PARP6: variants seen among roughly 807,000 people sequenced by gnomAD.
The protein encoded by PARP6 is protein mono-ADP-ribosyltransferase PARP6.
PARP6 carries 27 observed loss-of-function variants against 92.0 expected under a neutral mutation model. The ratio of observed to expected loss-of-function variants is 0.29; its 90% CI spans 0.22 to 0.40. PARP6 has a LOEUF of 0.40. PARP6 is among the 10% of genes least tolerant of loss of function. The pLI is 1.00. For synonymous variants in PARP6, 272 were observed against 281.2 expected (o/e 0.97, Z 0.33); for missense variants, 501 against 784.5 (o/e 0.64, Z 4.32).
intron 2 of PARP6, among the ~76,000 whole-genome samples, chr15:72,268,528 G>A (rs7167257): frequency 0.037 from 5,670 of 152,302 alleles, 187 homozygotes; most frequent in East Asian, 0.16. Flanking sequence ...GTGAAACCCC[G>A]TCTCTACCAA....
At chr15:72,260,197 T>C (rs1019638282) in intron 10 of PARP6, among the ~76,000 whole-genome samples, 1 of 152,162 alleles carries the variant, frequency 6.6e-6, no homozygotes, top group African/African-American at 2.4e-5. Context: ...CATGTGCCTA[T>C]AGTCCCAGCT....
chr15:72,257,234 G>C (rs2085260620), intron 13 of PARP6, 114 bp downstream of exon 13: 1 of 751,694 alleles, frequency 1.3e-6, no homozygotes. Context: ...CAATACTACA[G>C]TGGTTATCTT....
intron 9 of PARP6, among the ~76,000 whole-genome samples, chr15:72,261,199 G>C (rs978513097): frequency 6.6e-6 from 1 of 152,150 alleles, no homozygotes; most frequent in Non-Finnish European, 1.5e-5. Context: ...TCAAAGAATG[G>C]AGCAATATTT....
At chr15:72,253,317 A>G (rs2084626806) in intron 16 of PARP6, 120 bp downstream of exon 16, 2 of 608,894 alleles carry the variant, frequency 3.3e-6, no homozygotes, top group Non-Finnish European at 5.6e-6. Context: ...AAAAGCACCC[A>G]TTACTGCCTA....
chr15:72,250,637 T>C (rs144340898), intron 18 of PARP6, among the ~76,000 whole-genome samples: 10 of 152,352 alleles, frequency 6.6e-5, no homozygotes, highest in African/African-American at 2.2e-4. Flanking sequence ...ATGTCATTTT[T>C]CCTCAACTAC....
At chr15:72,247,981 G>A (rs2083838450) in intron 20 of PARP6, among the ~76,000 whole-genome samples, 1 of 152,012 alleles carries the variant, frequency 6.6e-6, no homozygotes. Context: ...ATGTTGGCCA[G>A]GCTGGTCTTG....
At position 72,242,727 on chromosome 15, in the gene PARP6, T is replaced by C. The variant is rs1369653084; in HGVS notation, c.1562-28A>G. The C allele has an allele frequency of 6.6e-7, 1 of 1,521,942 alleles. No homozygotes were observed. The highest frequency in any genetic ancestry group is 1.9e-5 in the Admixed American group (1 of 53,678). 94.3% of individuals were successfully genotyped at this position (1,521,942 alleles called of 1,614,324 possible). On this transcript the variant is annotated intron_variant, in intron 20 of 23. Coordinates refer to ENST00000569795, the MANE Select transcript of PARP6 (RefSeq NM_001323532.2). This position sits in a 1 kb window ranked among gnomAD's most constrained non-coding sequence, Gnocchi z 4.3. ...GTCACAGAACAATACACCCACTTCA[T>C]TTATCAAAAATTTACGAAAGTGCCT...
chr15:72,262,531 C>G (rs898700195), intron 8 of PARP6, among the ~76,000 whole-genome samples: 5 of 152,132 alleles, frequency 3.3e-5, no homozygotes, highest in African/African-American at 7.2e-5. Flanking sequence ...CTTTCTGCAC[C>G]TTAGTCTAGT....
intron 17 of PARP6, 80 bp downstream of exon 17, chr15:72,251,127 C>A (rs1307514397): frequency 1.9e-6 from 2 of 1,049,408 alleles, no homozygotes; most frequent in African/African-American, 1.6e-5. Flanking sequence ...GATCTAGGAC[C>A]AATATGGTTA....
chr15:72,251,451 G>A (rs971971664), intron 16 of PARP6, 196 bp from the exon 17 acceptor site: 34 of 458,676 alleles, frequency 7.4e-5, no homozygotes, highest in Non-Finnish European at 1.1e-4. Flanking sequence ...AGGTAAAAAG[G>A]AAGGTAGTGA....
intron 8 of PARP6, among the ~76,000 whole-genome samples, chr15:72,262,657 C>T (rs979521271): frequency 4.6e-5 from 7 of 152,176 alleles, no homozygotes; most frequent in Non-Finnish European, 1.0e-4. Flanking sequence ...TTCCTACCTT[C>T]ACCACTATAA....
At chr15:72,267,321 C>A in intron 3 of PARP6, 154 bp downstream of exon 3, 4 of 767,208 alleles carry the variant, frequency 5.2e-6, no homozygotes, top group South Asian at 1.6e-5. Context: ...CCAAGTAATA[C>A]TGTTTCTGTG....
In PARP6 at chr15:72,266,434, CTTT is replaced by C. The variant is rs948303489; in HGVS notation, c.81+308_81+310del. ...ATTAAGCAAACGCTGGCAGAGTAAT[CTTT>C]TAAGATGTGACCCTAATGAATGAAA... On this transcript the variant is annotated intron_variant, in intron 4 of 23. Transcript: ENST00000569795. Among the ~76,000 whole-genome samples the C allele has an allele frequency of 2.0e-4, 30 of 152,142 alleles. 1 individual carries two copies. Among genetic ancestry groups the C allele is most frequent in the Admixed American group, 1.8e-3 (28 of 15,282 alleles).
intron 20 of PARP6, 65 bp downstream of exon 20, chr15:72,249,180 A>T (rs772200570): frequency 3.3e-6 from 3 of 905,778 alleles, no homozygotes; most frequent in African/African-American, 3.2e-5. Flanking sequence ...CAGACAGCAC[A>T]AATCATGTAT....
At chr15:72,244,755 T>C (rs887571230) in intron 20 of PARP6, 1 of 152,242 alleles carries the variant, frequency 6.6e-6, no homozygotes, top group Non-Finnish European at 1.5e-5. Context: ...CACATATCTA[T>C]AGGGCCCTCA....
chr15:72,263,750 G>A (rs1053752521), intron 8 of PARP6, among the ~76,000 whole-genome samples: 3 of 152,080 alleles, frequency 2.0e-5, no homozygotes. Flanking sequence ...GGCTGGGTGC[G>A]GTGGCTCACA....
chr15:72,243,869 T>C (rs891194891), intron 20 of PARP6: 1 of 152,262 alleles, frequency 6.6e-6, no homozygotes, highest in Non-Finnish European at 1.5e-5. Context: ...TTTCTATTAC[T>C]ATTAACTCCA....
At chr15:72,268,102 C>T (rs942724050) in intron 2 of PARP6, among the ~76,000 whole-genome samples, 11 of 152,188 alleles carry the variant, frequency 7.2e-5, no homozygotes, top group African/African-American at 2.7e-4. Flanking sequence ...AAAAGACATG[C>T]TTGCGTGCAT....
intron 20 of PARP6, chr15:72,244,230 T>C (rs555554366): frequency 6.6e-6 from 1 of 152,312 alleles, no homozygotes; most frequent in East Asian, 1.9e-4. Flanking sequence ...AGGAGGCACA[T>C]AAAAGATAAT....
Sources: gnomAD v4.1 joint callset for allele counts (sites outside exome capture counted in the v4.1 genomes callset) on GRCh38, gnomAD v4.1.1 for gene constraint, Gnocchi (gnomAD v3.1) non-coding constraint, MANE v1.5 for transcripts, NCBI Gene and HGNC (gene_info 2026-07-23, HGNC 2026-07-21) for gene names.